Variants in METTL21C observed in about 807,000 individuals in gnomAD.
METTL21C encodes methyltransferase 21C, AARS1 lysine.
In METTL21C, 21 loss-of-function variants were observed where a neutral mutation model predicts 25.9. The ratio of observed to expected loss-of-function variants is 0.81; its 90% confidence interval spans 0.58 to 1.17. The LOEUF is 1.17. Ranked by LOEUF, METTL21C falls within the 50% of genes most tolerant of loss-of-function variation. The probability of loss-of-function intolerance (pLI) is 0.00; values close to 1 mark genes in which losing one functional copy is unlikely to be tolerated. For synonymous variants in METTL21C, 125 were observed against 124.7 expected (o/e 1.00, Z -0.01); for missense variants, 312 against 315.1 (o/e 0.99, Z 0.07).
At chr13:102,701,809 GAT>G in the METTL21C span, among the ~76,000 whole-genome samples, 1 of 152,122 alleles carries the variant, frequency 6.6e-6, no homozygotes, top group African/African-American at 2.4e-5. Flanking sequence ...CATCTTGAAA[GAT>G]ATATAAAAAA....
chr13:102,700,342 A>G, the METTL21C span, among the ~76,000 whole-genome samples: 2 of 152,202 alleles, frequency 1.3e-5, no homozygotes, highest in African/African-American at 4.8e-5. Flanking sequence ...TTTGGAGAAT[A>G]GACATACTTA....
At chr13:102,689,678 C>T (rs537351189) in intron 2 of METTL21C, among the ~76,000 whole-genome samples, 51 of 152,324 alleles carry the variant, frequency 3.3e-4, no homozygotes, top group African/African-American at 9.6e-4. Flanking sequence ...GAAAAGCAAC[C>T]ACACTGGCTC....
intron 2 of METTL21C, among the ~76,000 whole-genome samples, chr13:102,689,985 G>A (rs529807119): frequency 2.0e-3 from 301 of 152,320 alleles, no homozygotes; most frequent in South Asian, 4.6e-3. Flanking sequence ...ACCCAGCCCT[G>A]AAATGGCAGC....
chr13:102,694,228 A>G, intron 1 of METTL21C, 141 bp downstream of exon 1: 1 of 889,308 alleles, frequency 1.1e-6, no homozygotes, highest in Non-Finnish European at 1.7e-6. Flanking sequence ...CTTGCAAAAC[A>G]TTTTTCTGCT....
rs766727863 is a variant in METTL21C, at chr13:102,686,469, C to T, written c.401-44G>A. 4 of 1,568,860 alleles carry T rather than the reference C, an allele frequency of 2.5e-6. No homozygotes were observed. The South Asian group carries it at 4.9e-5, about 19-fold the overall frequency. On this transcript the variant is annotated intron_variant, in intron 3 of 3. Coordinates refer to ENST00000267273, the MANE Select transcript of METTL21C (RefSeq NM_001010977.3). ...AATGACCTGGAAACATCTGGGCAGT[C>T]ACAGTGTACATATACCCAGGGAGAA...
At chr13:102,700,641 G>A in the METTL21C span, among the ~76,000 whole-genome samples, 1 of 152,178 alleles carries the variant, frequency 6.6e-6, no homozygotes, top group Non-Finnish European at 1.5e-5. Context: ...CTCTGGCAAC[G>A]ACATTTATTC....
chr13:102,694,797 T>A lies in METTL21C; in HGVS notation c.-299A>T, dbSNP rs1459941160. Among the ~76,000 whole-genome samples, 3 of 151,836 alleles carry A rather than the reference T, an allele frequency of 2.0e-5. No homozygotes were observed. Among genetic ancestry groups the A allele is most frequent in the African/African-American group, 7.3e-5 (3 of 41,320 alleles). ...CATTTGATGAACAAAATCCAGCCAGTGGAAGCCCAAGTTATTTAGGGTAGC... is the reference window on the plus strand; with the variant it reads ...CATTTGATGAACAAAATCCAGCCAGAGGAAGCCCAAGTTATTTAGGGTAGC... On this transcript the variant is annotated 5_prime_UTR_variant, in exon 1 of 4. Transcript: ENST00000267273.
intron 2 of METTL21C, among the ~76,000 whole-genome samples, chr13:102,690,248 C>T (rs1885790204): frequency 6.6e-6 from 1 of 152,020 alleles, no homozygotes; most frequent in African/African-American, 2.4e-5. Context: ...TGGTGAAACC[C>T]TATCTCTACT....
intron 1 of METTL21C, among the ~76,000 whole-genome samples, chr13:102,694,168 G>T (rs1885892798): frequency 6.6e-6 from 1 of 151,898 alleles, no homozygotes. Context: ...TGAAAAACCA[G>T]GAATTACTTT....
At chr13:102,686,564 G>T in intron 3 of METTL21C, 139 bp from the exon 4 acceptor site, 1 of 1,018,672 alleles carries the variant, frequency 9.8e-7, no homozygotes, top group Non-Finnish European at 1.4e-6. Context: ...TTGACCTAAT[G>T]TGGGCTGGCT....
At chr13:102,690,775 C>T in intron 2 of METTL21C, 38 bp downstream of exon 2, 1 of 1,604,560 alleles carries the variant, frequency 6.2e-7, no homozygotes, top group Non-Finnish European at 8.5e-7. Context: ...TTGTTATCTC[C>T]AGAAATCCTG....
Position 102,694,888 on chromosome 13 carries a change from TCTCTCTCTCTCTCA to T in METTL21C, c.-404_-391del, listed in dbSNP as rs1885918068. Among the ~76,000 whole-genome samples, 1 of 138,038 alleles carries T rather than the reference TCTCTCTCTCTCTCA, an allele frequency of 7.2e-6. No individual in the cohort carries two copies. The highest frequency in any genetic ancestry group is 1.5e-5 in the Non-Finnish European group (1 of 65,146). 90.6% of individuals were successfully genotyped at this position (138,038 alleles called of 152,430 possible). A position where few individuals can be genotyped will look rare whatever the true frequency, so the allele number is the denominator to read the frequency against. ...TTCTCTCTCTTTCTCTCTCTCTCTC[TCTCTCTCTCTCTCA>T]CACACACACACACACACACACACAC... On this transcript the variant is annotated 5_prime_UTR_variant, in exon 1 of 4. It removes the in-frame stop codon of an upstream open reading frame in the 5' UTR. Transcript: ENST00000267273.
the METTL21C span, among the ~76,000 whole-genome samples, chr13:102,703,639 CAGGG>C: frequency 2.0e-5 from 3 of 152,186 alleles, no homozygotes; most frequent in Non-Finnish European, 1.5e-5. Context: ...TCAGGATCAT[CAGGG>C]TTGGTGGAGG....
Position 102,694,478 on chromosome 13 carries a change from G to C in METTL21C, c.21C>G (p.Ser7=). 6.9e-7 allele frequency: 1 copy of C among 1,450,672 alleles called. No homozygotes were observed. Among genetic ancestry groups the C allele is most frequent in the Non-Finnish European group, 9.0e-7 (1 of 1,109,596 alleles). The allele number at this position is 1,450,672 out of a possible 1,614,324, so 89.9% of individuals were successfully genotyped here. Residue 7 remains serine, a synonymous_variant, in exon 1 of 4, where the codon TCC becomes TCG. Coordinates refer to ENST00000267273, the MANE Select transcript of METTL21C (RefSeq NM_001010977.3). MDVCLS[S]AQQPGRRGEG... is the part of the protein sequence containing the mutation. ...CCCCCCGGCGCCCAGGCTGCTGCGC[G>C]GAGCTCAGACACACGTCCATAGCCG...
chr13:102,702,465 G>A, the METTL21C span, among the ~76,000 whole-genome samples: 103 of 152,046 alleles, frequency 6.8e-4, no homozygotes, highest in African/African-American at 2.3e-3. Flanking sequence ...AGGAATAAAC[G>A]AAGTTTCATG....
upstream of METTL21C, among the ~76,000 whole-genome samples, chr13:102,697,772 A>G (rs1423858336): frequency 1.3e-5 from 2 of 152,184 alleles, no homozygotes; most frequent in Non-Finnish European, 2.9e-5. Context: ...AGTGTGAATA[A>G]CACAGCAAGG....
chr13:102,688,878 C>G lies in METTL21C; in HGVS notation c.283-1821G>C, dbSNP rs868282890. Among the ~76,000 whole-genome samples the G allele has an allele frequency of 2.9e-4, 44 of 152,164 alleles. 1 individual carries two copies. The highest frequency in any genetic ancestry group is 8.9e-4 in the African/African-American group (37 of 41,508). On this transcript the variant is annotated intron_variant, in intron 2 of 3. Coordinates refer to ENST00000267273, the MANE Select transcript of METTL21C (RefSeq NM_001010977.3). ...ACATTGCAAACATTCCCCCGCCAGC[C>G]CCTTGTCCTGTTAGCAAACTCTGAA...
Position 102,694,453 on chromosome 13 carries a change from C to T in METTL21C, c.46G>A (p.Glu16Lys), listed in dbSNP as rs773936127. Reference protein sequence around the residue: ...SSAQQPGRRGEGLSSPGGWLE... With the variant: ...SSAQQPGRRGKGLSSPGGWLE... ...CAGCCACCCGGGGAGCTGAGTCCTT[C>T]CCCCCGGCGCCCAGGCTGCTGCGCG... Residue 16 changes from glutamate (E) to lysine (K), a missense_variant, in exon 1 of 4, where the codon GAA becomes AAA. Physicochemically the swap from Glu to Lys is moderately conservative, Grantham distance 56. Coordinates refer to ENST00000267273, the MANE Select transcript of METTL21C (RefSeq NM_001010977.3). 8.7e-6 allele frequency: 14 copies of T among 1,606,898 alleles called. No individual in the cohort carries two copies. The highest frequency in any genetic ancestry group is 1.0e-5 in the Non-Finnish European group (12 of 1,176,932).
intron 1 of METTL21C, among the ~76,000 whole-genome samples, chr13:102,691,635 A>G (rs1566389639): frequency 6.6e-6 from 1 of 152,232 alleles, no homozygotes; most frequent in East Asian, 1.9e-4. Context: ...GGCGTGAGCC[A>G]CCACGCCCCG....
Sources: gnomAD v4.1 joint callset for allele counts (sites outside exome capture counted in the v4.1 genomes callset) on GRCh38, gnomAD v4.1.1 for gene constraint, MANE v1.5 for transcripts, NCBI Gene and HGNC (gene_info 2026-07-23, HGNC 2026-07-21) for gene names.